Variants in VAV3 observed in about 807,000 individuals in gnomAD.
VAV3 encodes the protein guanine nucleotide exchange factor VAV3.
A neutral mutation model predicts 131.2 loss-of-function variants in VAV3; 94 were observed. That is an observed-to-expected ratio of 0.72 (90% CI 0.61 to 0.85). VAV3 has a LOEUF of 0.85. VAV3 is among the 40% of genes least tolerant of loss of function. VAV3 has a pLI of 0.00. For synonymous variants in VAV3, 349 were observed against 342.0 expected (o/e 1.02, Z -0.22); for missense variants, 939 against 1,002.7 (o/e 0.94, Z 0.86).
In VAV3 at chr1:107,683,514, CGCAGTCCATTG is replaced by C. The variant is rs777996394; in HGVS notation, c.1740_1750del (p.Asn581LysfsTer4). ...TGGATCCACCTGTTTAGGAGTTCTT[CGCAGTCCATTG>C]GTCCGTTTCTGTGCAGTAAAGTAAA... On this transcript the variant is annotated frameshift_variant, in exon 19 of 27. Coordinates refer to ENST00000370056, the MANE Select transcript of VAV3 (RefSeq NM_006113.5). LOFTEE classifies it high-confidence loss of function. 6.2e-7 allele frequency: 1 copy of C among 1,613,974 alleles called. No homozygotes were observed. Among genetic ancestry groups the C allele is most frequent in the Admixed American group, 1.7e-5 (1 of 60,024 alleles).
chr1:107,586,590 T>C (rs1650512396), intron 25 of VAV3, among the ~76,000 whole-genome samples: 1 of 152,034 alleles, frequency 6.6e-6, no homozygotes, highest in African/African-American at 2.4e-5. Flanking sequence ...GTCTGACAAA[T>C]TGGAGTGCAT....
chr1:107,734,037 G>A (rs948008011), intron 15 of VAV3, among the ~76,000 whole-genome samples: 1 of 152,224 alleles, frequency 6.6e-6, no homozygotes, highest in East Asian at 1.9e-4. Flanking sequence ...CAAGCCAGAA[G>A]AGAGTGGGGG....
intron 11 of VAV3, 44 bp downstream of exon 11, chr1:107,757,217 C>T: frequency 6.6e-7 from 1 of 1,504,122 alleles, no homozygotes; most frequent in Non-Finnish European, 9.2e-7. Context: ...TGTCTTTAGG[C>T]AAGAATAAAA....
At chr1:107,605,466 C>G (rs2101119153) in intron 22 of VAV3, among the ~76,000 whole-genome samples, 1 of 152,286 alleles carries the variant, frequency 6.6e-6, no homozygotes, top group East Asian at 1.9e-4. Context: ...AGGCCCTCAC[C>G]AGATGCAGCC....
chr1:107,940,567 C>T (rs533189446), intron 1 of VAV3, among the ~76,000 whole-genome samples: 2 of 152,258 alleles, frequency 1.3e-5, no homozygotes, highest in East Asian at 3.9e-4. Context: ...GCTTAAAACT[C>T]GATTGGGAGA....
rs554480229 is a variant in VAV3, at chr1:107,661,816, T to C, written c.1778-19061A>G. On this transcript the variant is annotated intron_variant, in intron 19 of 26. Transcript: ENST00000370056. ...TCAAATAAGGAATGGCTTTAGACTG[T>C]AAGTCCTTAGAACAACATCATTACA... Among the ~76,000 whole-genome samples, 4 of 152,324 alleles carry C rather than the reference T, an allele frequency of 2.6e-5. 1 individual carries two copies. The South Asian group carries it at 6.2e-4, about 24-fold the overall frequency.
chr1:107,713,612 C>T (rs192195506), intron 15 of VAV3, among the ~76,000 whole-genome samples: 9 of 152,134 alleles, frequency 5.9e-5, no homozygotes, highest in African/African-American at 1.9e-4. Flanking sequence ...CATCATTTCA[C>T]GTGTCAGACT....
chr1:107,932,841 A>C (rs1251588738), intron 1 of VAV3, among the ~76,000 whole-genome samples: 2 of 152,212 alleles, frequency 1.3e-5, no homozygotes, highest in Non-Finnish European at 2.9e-5. Context: ...AAGTTGAAGA[A>C]AGCAAGAAAA....
intron 1 of VAV3, among the ~76,000 whole-genome samples, chr1:107,926,652 G>C (rs1411457378): frequency 6.6e-6 from 1 of 152,000 alleles, no homozygotes; most frequent in Non-Finnish European, 1.5e-5. Flanking sequence ...AGTGCAGCAA[G>C]CGCGAGGCAT....
intron 19 of VAV3, chr1:107,669,343 T>C: frequency 7.8e-7 from 1 of 1,289,804 alleles, no homozygotes; most frequent in Non-Finnish European, 1.0e-6. Flanking sequence ...CTGTCTCCTG[T>C]TATTTTCAGA....
intron 4 of VAV3, among the ~76,000 whole-genome samples, chr1:107,774,487 T>C (rs1665226952): frequency 6.6e-6 from 1 of 152,264 alleles, no homozygotes; most frequent in African/African-American, 2.4e-5. Context: ...GCTTTTGTTA[T>C]TCAATCCTTT....
intron 2 of VAV3, among the ~76,000 whole-genome samples, chr1:107,810,328 C>A (rs1156921743): frequency 1.3e-5 from 2 of 152,062 alleles, no homozygotes; most frequent in African/African-American, 2.4e-5. Context: ...GCAATGAGGA[C>A]AGAAGAGACA....
chr1:107,743,909 A>G (rs1049344693), intron 15 of VAV3, among the ~76,000 whole-genome samples: 4 of 152,210 alleles, frequency 2.6e-5, no homozygotes, highest in African/African-American at 9.6e-5. Flanking sequence ...TTAATTCTGC[A>G]GCATGTGTGC....
intron 1 of VAV3, among the ~76,000 whole-genome samples, chr1:107,883,405 C>T (rs1342788602): frequency 6.6e-6 from 1 of 152,078 alleles, no homozygotes; most frequent in Non-Finnish European, 1.5e-5. Context: ...ATAGCACATA[C>T]ATGTTTTCAA....
intron 2 of VAV3, among the ~76,000 whole-genome samples, chr1:107,872,622 A>C (rs1022157147): frequency 1.3e-5 from 2 of 152,164 alleles, no homozygotes; most frequent in African/African-American, 4.8e-5. Flanking sequence ...AGGACCTATA[A>C]ATGGGAAAAA....
chr1:107,768,178 A>G (rs1664839846), intron 7 of VAV3, among the ~76,000 whole-genome samples: 1 of 152,208 alleles, frequency 6.6e-6, no homozygotes, highest in Non-Finnish European at 1.5e-5. Context: ...CCTCTTCATG[A>G]CAAAGAGTTA....
intron 25 of VAV3, among the ~76,000 whole-genome samples, chr1:107,593,642 T>C (rs1179905258): frequency 6.6e-6 from 1 of 152,140 alleles, no homozygotes; most frequent in Non-Finnish European, 1.5e-5. Flanking sequence ...ACAATCTTTC[T>C]ATACAAACAT....
intron 15 of VAV3, among the ~76,000 whole-genome samples, chr1:107,706,936 G>A (rs1305312744): frequency 6.6e-6 from 1 of 152,088 alleles, no homozygotes; most frequent in Non-Finnish European, 1.5e-5. Flanking sequence ...ACATCCACAG[G>A]CACACACATG....
intron 19 of VAV3, among the ~76,000 whole-genome samples, chr1:107,676,646 G>A (rs1219915617): frequency 2.0e-5 from 3 of 151,882 alleles, no homozygotes; most frequent in Admixed American, 2.0e-4. Flanking sequence ...TTTGTCACTT[G>A]GTAATCAAAA....
Sources: gnomAD v4.1 joint callset for allele counts (sites outside exome capture counted in the v4.1 genomes callset) on GRCh38, gnomAD v4.1.1 for gene constraint, MANE v1.5 for transcripts, NCBI Gene and HGNC (gene_info 2026-07-23, HGNC 2026-07-21) for gene names.